Variants in DSCAM observed in about 807,000 individuals in gnomAD.
DSCAM encodes DS cell adhesion molecule, also known as cell adhesion molecule DSCAM.
In DSCAM, 47 loss-of-function variants were observed where a neutral mutation model predicts 217.7. That is an observed-to-expected ratio of 0.22 (90% CI 0.17 to 0.28). DSCAM has a LOEUF of 0.28. Among genes scored for constraint, DSCAM ranks in the 10% least tolerant of loss-of-function variants. The pLI is 1.00. For missense variants in DSCAM, 2,080 were observed against 2,618.3 expected, an observed-to-expected ratio of 0.79 and a Z score of 4.49; for synonymous variants, 1,056 against 1,015.3, an observed-to-expected ratio of 1.04 and a Z score of -0.76.
chr21:40,215,761 GT>G (rs1238585517), intron 11 of DSCAM, among the ~76,000 whole-genome samples: 1 of 151,842 alleles, frequency 6.6e-6, no homozygotes, highest in African/African-American at 2.4e-5. Context: ...ATTCATCCAC[GT>G]AACCAAAAAC....
chr21:40,580,481 CA>C (rs1722725743), intron 3 of DSCAM, among the ~76,000 whole-genome samples: 1 of 151,324 alleles, frequency 6.6e-6, no homozygotes, highest in Non-Finnish European at 1.5e-5. Context: ...TGCAGTGTGC[CA>C]AGATGGTGCC....
chr21:40,163,070 A>AACACACACAC (rs3069756), intron 16 of DSCAM, among the ~76,000 whole-genome samples: 23,717 of 142,966 alleles, frequency 0.17, 2,062 homozygotes, highest in Admixed American at 0.21. Flanking sequence ...GACCATGGCA[A>AACACACACAC]ACACACACAC....
chr21:40,579,529 C>T (rs2076886323), intron 3 of DSCAM, among the ~76,000 whole-genome samples: 1 of 152,064 alleles, frequency 6.6e-6, no homozygotes, highest in African/African-American at 2.4e-5. Flanking sequence ...AACTGACAAA[C>T]AGCCAGAATC....
chr21:40,138,293 CTGTGTGCGTGGTG>C (rs1474231444), intron 18 of DSCAM, among the ~76,000 whole-genome samples: 2 of 140,186 alleles, frequency 1.4e-5, no homozygotes, highest in Non-Finnish European at 3.1e-5. Flanking sequence ...GTGTGTGTAC[CTGTGTGCGTGGTG>C]TGTGTGTATG....
intron 21 of DSCAM, among the ~76,000 whole-genome samples, chr21:40,089,553 T>C (rs62235658): frequency 0.13 from 20,088 of 152,206 alleles, 1,398 homozygotes; most frequent in Middle Eastern, 0.21. Flanking sequence ...ATAAAAGCAG[T>C]GGTCCTCCTC....
chr21:40,494,635 C>CA (rs561718117), intron 3 of DSCAM, among the ~76,000 whole-genome samples: 10 of 147,410 alleles, frequency 6.8e-5, no homozygotes, highest in Non-Finnish European at 1.0e-4. Flanking sequence ...AAGTTTTTAA[C>CA]AAAAAAACTT....
At chr21:40,725,374 C>T (rs77039511) in intron 1 of DSCAM, among the ~76,000 whole-genome samples, 7,112 of 152,132 alleles carry the variant, frequency 0.047, 226 homozygotes, top group African/African-American at 0.089. Context: ...AACCTGCGTC[C>T]GGGCTCCAGG....
At chr21:40,141,927 A>G (rs1413895610) in intron 18 of DSCAM, among the ~76,000 whole-genome samples, 1 of 148,320 alleles carries the variant, frequency 6.7e-6, no homozygotes, top group Admixed American at 6.6e-5. Flanking sequence ...TCGTTTATTC[A>G]AAGCCTTGCC....
chr21:40,731,531 C>T (rs1184081247), intron 1 of DSCAM, among the ~76,000 whole-genome samples: 1 of 152,068 alleles, frequency 6.6e-6, no homozygotes, highest in Non-Finnish European at 1.5e-5. Context: ...GTTAGAAGTT[C>T]AAGTTTGCAG....
intron 3 of DSCAM, among the ~76,000 whole-genome samples, chr21:40,499,059 T>C (rs1022944531): frequency 3.3e-5 from 5 of 151,794 alleles, no homozygotes; most frequent in African/African-American, 9.7e-5. Context: ...TAATAATTCC[T>C]GAAAAAAATT....
At chr21:40,704,667 G>A (rs993181336) in intron 2 of DSCAM, among the ~76,000 whole-genome samples, 3 of 152,090 alleles carry the variant, frequency 2.0e-5, no homozygotes, top group Non-Finnish European at 2.9e-5. Flanking sequence ...AGTGAGCCAC[G>A]ATCCCATCAC....
chr21:40,392,308 GTGTT>G (rs2075141127), intron 3 of DSCAM, among the ~76,000 whole-genome samples: 1 of 152,246 alleles, frequency 6.6e-6, no homozygotes, highest in South Asian at 2.1e-4. Flanking sequence ...AAGATAAACA[GTGTT>G]TGATAAATAT....
At chr21:40,115,313 G>A (rs964116139) in intron 20 of DSCAM, among the ~76,000 whole-genome samples, 1 of 152,018 alleles carries the variant, frequency 6.6e-6, no homozygotes, top group African/African-American at 2.4e-5. Context: ...CTATCGCAAG[G>A]AGAAAAAACC....
rs2090914372 is a variant in DSCAM, at chr21:40,188,056, T to C, written c.2554-69A>G. ...AATGACTTTGAGCCGTAAAGCTCTCTCTCTCCACTCTTTCAGTTCTCCTGC... is the reference window on the plus strand; with the variant it reads ...AATGACTTTGAGCCGTAAAGCTCTCCCTCTCCACTCTTTCAGTTCTCCTGC... On this transcript the variant is annotated intron_variant, in intron 12 of 32. Transcript: ENST00000400454. The C allele has an allele frequency of 2.6e-6, 3 of 1,157,362 alleles. No homozygotes were observed. The East Asian group carries it at 7.2e-5, about 28-fold the overall frequency. The allele number at this position is 1,157,362 out of a possible 1,614,324, so 71.7% of individuals were successfully genotyped here. A position where few individuals can be genotyped will look rare whatever the true frequency, so the allele number is the denominator to read the frequency against.
At chr21:40,651,933 C>A (rs899866680) in intron 3 of DSCAM, among the ~76,000 whole-genome samples, 1 of 152,156 alleles carries the variant, frequency 6.6e-6, no homozygotes, top group Non-Finnish European at 1.5e-5. Context: ...TAATAAGGGA[C>A]AGGCACAAAA....
intron 3 of DSCAM, among the ~76,000 whole-genome samples, chr21:40,635,591 A>G (rs150384455): frequency 2.1e-3 from 316 of 151,696 alleles, no homozygotes; most frequent in African/African-American, 7.4e-3. Context: ...ATGTGTGTGC[A>G]TGTGTGTGTG....
chr21:40,470,038 G>A (rs945880109), intron 3 of DSCAM, among the ~76,000 whole-genome samples: 5 of 152,120 alleles, frequency 3.3e-5, no homozygotes, highest in African/African-American at 1.2e-4. Context: ...AGAATTACAG[G>A]GGCCTCTTTT....
chr21:40,509,697 T>TA (rs1266072186), intron 3 of DSCAM, among the ~76,000 whole-genome samples: 1 of 152,060 alleles, frequency 6.6e-6, no homozygotes, highest in Admixed American at 6.6e-5. Context: ...GTAATCACAT[T>TA]AAAAAACAGG....
chr21:40,132,520 T>G (rs1009425142), intron 19 of DSCAM, among the ~76,000 whole-genome samples: 5 of 152,234 alleles, frequency 3.3e-5, no homozygotes, highest in African/African-American at 1.2e-4. Context: ...CAGAACTGGC[T>G]GACACCTGCA....
Sources: allele counts gnomAD v4.1 joint callset (sites outside exome capture counted in the v4.1 genomes callset), GRCh38; gene constraint gnomAD v4.1.1; transcripts MANE v1.5; gene names NCBI Gene and HGNC (gene_info 2026-07-23, HGNC 2026-07-21).